Variants in SGCZ observed in about 807,000 individuals in gnomAD.
SGCZ encodes the protein zeta-sarcoglycan.
In SGCZ, 40 loss-of-function variants were observed where a neutral mutation model predicts 41.3. The observed-to-expected ratio is 0.97, with a 90% CI of 0.75 to 1.26. The LOEUF (loss-of-function observed/expected upper bound fraction) is 1.26. Among genes scored for constraint, SGCZ ranks in the 50% most tolerant of loss-of-function variants. The probability of loss-of-function intolerance (pLI) is 0.00; values close to 1 mark genes in which losing one functional copy is unlikely to be tolerated. For missense variants in SGCZ, 552 were observed against 369.8 expected, an observed-to-expected ratio of 1.49 and a Z score of -4.04; for synonymous variants, 206 against 137.5, an observed-to-expected ratio of 1.50 and a Z score of -3.49.
At chr8:14,988,040 C>T (rs368743847) in intron 1 of SGCZ, among the ~76,000 whole-genome samples, 274 of 151,988 alleles carry the variant, frequency 1.8e-3, no homozygotes, top group African/African-American at 6.3e-3. Flanking sequence ...GCCTACCATC[C>T]TCATGTTTAA....
chr8:14,132,779 T>C (rs1189554415), intron 5 of SGCZ, among the ~76,000 whole-genome samples: 2 of 152,188 alleles, frequency 1.3e-5, no homozygotes, highest in Non-Finnish European at 1.5e-5. Context: ...CATTTGAGTA[T>C]TATAAAGTGG....
At position 14,443,650 on chromosome 8, in the gene SGCZ, A is replaced by C. The variant is rs541091103; in HGVS notation, c.234+111082T>G. Among the ~76,000 whole-genome samples the C allele has an allele frequency of 1.5e-3, 229 of 152,326 alleles. 2 individuals carry two copies. The highest frequency in any genetic ancestry group is 5.3e-3 in the African/African-American group (220 of 41,564). The stretch of plus-strand genomic sequence containing the variant: ...TGGATCCCTTCCTTACACCTTATAT[A>C]AAAATTAATTCAAGATGGATTAAAG... On this transcript the variant is annotated intron_variant, in intron 2 of 7. Transcript: ENST00000382080.
intron 3 of SGCZ, among the ~76,000 whole-genome samples, chr8:14,277,207 A>G (rs1800267534): frequency 1.3e-5 from 2 of 152,156 alleles, no homozygotes; most frequent in South Asian, 2.1e-4. Context: ...ACATGTGCCA[A>G]TGTCCCCATT....
At position 14,533,875 on chromosome 8, in the gene SGCZ, C is replaced by G. The variant is rs537091822; in HGVS notation, c.234+20857G>C. Reference sequence around the variant, plus strand: ...ACATAGCTCTCAGTTTTCATGCTGTCATGGTGACTGAATACCTTCAAAATG... The same window carrying G: ...ACATAGCTCTCAGTTTTCATGCTGTGATGGTGACTGAATACCTTCAAAATG... On this transcript the variant is annotated intron_variant, in intron 2 of 7. Coordinates refer to ENST00000382080, the MANE Select transcript of SGCZ (RefSeq NM_139167.4). 9.9e-5 allele frequency among the ~76,000 whole-genome samples: 15 copies of G among 152,074 alleles called. No individual in the cohort carries two copies. The East Asian group carries it at 2.9e-3, about 30-fold the overall frequency.
chr8:14,534,475 A>C (rs1803234009), intron 2 of SGCZ, among the ~76,000 whole-genome samples: 1 of 152,032 alleles, frequency 6.6e-6, no homozygotes, highest in South Asian at 2.1e-4. Context: ...TCTTTCCTTT[A>C]TCCAATCAGT....
intron 1 of SGCZ, among the ~76,000 whole-genome samples, chr8:14,819,873 A>G (rs1003263509): frequency 5.3e-5 from 8 of 152,072 alleles, no homozygotes; most frequent in Non-Finnish European, 1.0e-4. Flanking sequence ...ATACACAAAT[A>G]ATAAAGAGAA....
intron 1 of SGCZ, among the ~76,000 whole-genome samples, chr8:14,995,642 C>T (rs759225558): frequency 1.2e-4 from 19 of 152,120 alleles, no homozygotes; most frequent in Admixed American, 9.2e-4. Flanking sequence ...AGAAAGGAGG[C>T]GTGTCCTTAG....
At chr8:14,354,017 A>G (rs1585398351) in intron 2 of SGCZ, among the ~76,000 whole-genome samples, 1 of 152,000 alleles carries the variant, frequency 6.6e-6, no homozygotes, top group East Asian at 1.9e-4. Context: ...TCTCTCAACA[A>G]TTGTATTAAT....
intron 2 of SGCZ, among the ~76,000 whole-genome samples, chr8:14,368,845 A>G (rs117187113): frequency 3.2e-3 from 484 of 151,780 alleles, no homozygotes; most frequent in Admixed American, 7.9e-3. Context: ...AAAAAAAGTT[A>G]CATATACTTG....
chr8:14,224,114 G>A (rs1806293224), intron 4 of SGCZ, among the ~76,000 whole-genome samples: 1 of 152,092 alleles, frequency 6.6e-6, no homozygotes, highest in Admixed American at 6.6e-5. Context: ...CAAACTTAAA[G>A]GAACTTTTCA....
chr8:14,244,685 G>A (rs994466225), intron 3 of SGCZ, among the ~76,000 whole-genome samples: 3 of 151,756 alleles, frequency 2.0e-5, no homozygotes, highest in African/African-American at 7.3e-5. Context: ...ATCTTGGGCA[G>A]TATGGCCATT....
At chr8:14,718,745 T>C (rs1809780358) in intron 1 of SGCZ, among the ~76,000 whole-genome samples, 1 of 151,724 alleles carries the variant, frequency 6.6e-6, no homozygotes, top group South Asian at 2.1e-4. Flanking sequence ...CCTAAGATTT[T>C]ATTAATGAAG....
intron 1 of SGCZ, among the ~76,000 whole-genome samples, chr8:15,221,591 TG>T (rs1195846106): frequency 6.6e-6 from 1 of 152,136 alleles, no homozygotes; most frequent in Non-Finnish European, 1.5e-5. Context: ...GATGAATATT[TG>T]AAATCTGTGA....
intron 5 of SGCZ, among the ~76,000 whole-genome samples, chr8:14,134,158 C>A (rs1357964937): frequency 1.3e-5 from 2 of 152,166 alleles, no homozygotes; most frequent in East Asian, 1.9e-4. Context: ...GTATACACTG[C>A]ATTTTCAAAC....
rs33909996 is a variant in SGCZ at position 14,676,346 on chromosome 8, A to ATGTGTGTGTGTGTG, written c.40-121434_40-121421dup. ...TCCCACCTCTACAAAAATGAAATAG[A>ATGTGTGTGTGTGTG]TGTGTGTGTGTGTGTGTGTGTGTAT... is the stretch of plus-strand genomic sequence containing the variant. On this transcript the variant is annotated intron_variant, in intron 1 of 7. Coordinates refer to ENST00000382080, the MANE Select transcript of SGCZ (RefSeq NM_139167.4). Among the ~76,000 whole-genome samples the ATGTGTGTGTGTGTG allele has an allele frequency of 1.4e-3, 210 of 149,408 alleles. 2 individuals are homozygous for ATGTGTGTGTGTGTG. Among genetic ancestry groups the ATGTGTGTGTGTGTG allele is most frequent in the African/African-American group, 4.0e-3 (164 of 40,710 alleles).
At chr8:14,346,811 A>G (rs1451229908) in intron 2 of SGCZ, among the ~76,000 whole-genome samples, 1 of 152,024 alleles carries the variant, frequency 6.6e-6, no homozygotes, top group African/African-American at 2.4e-5. Context: ...TGATACATAA[A>G]TATTTGTGTG....
chr8:15,134,597 C>T (rs1385029832), intron 1 of SGCZ, among the ~76,000 whole-genome samples: 1 of 152,144 alleles, frequency 6.6e-6, no homozygotes, highest in Non-Finnish European at 1.5e-5. Flanking sequence ...GAAGAACTCT[C>T]AATGTAGCAT....
At chr8:14,504,174 A>G (rs1041582140) in intron 2 of SGCZ, among the ~76,000 whole-genome samples, 7 of 152,196 alleles carry the variant, frequency 4.6e-5, no homozygotes, top group Admixed American at 2.0e-4. Context: ...TGAGATCTAT[A>G]TCTGCTACAA....
intron 3 of SGCZ, among the ~76,000 whole-genome samples, chr8:14,264,423 G>C (rs919731790): frequency 1.3e-5 from 2 of 152,132 alleles, no homozygotes; most frequent in Non-Finnish European, 1.5e-5. Flanking sequence ...CTCAGCCTCA[G>C]ACAGAAATCC....
Sources: allele counts gnomAD v4.1 joint callset (sites outside exome capture counted in the v4.1 genomes callset), GRCh38; gene constraint gnomAD v4.1.1; transcripts MANE v1.5; gene names NCBI Gene and HGNC (gene_info 2026-07-23, HGNC 2026-07-21).